The following CNTN5 variants were observed in gnomAD, a reference collection of about 807,000 sequenced individuals.
CNTN5 encodes contactin 5.
A neutral mutation model predicts 129.1 loss-of-function variants in CNTN5; 77 were observed. The observed-to-expected ratio is 0.60, with a 90% CI of 0.50 to 0.72. CNTN5 has a LOEUF of 0.72. CNTN5 is among the 30% of genes least tolerant of loss of function. CNTN5 has a pLI of 0.00. For missense variants in CNTN5, 1,478 were observed against 1,328.8 expected (o/e 1.11, Z -1.75); for synonymous variants, 509 against 465.6 (o/e 1.09, Z -1.20).
At chr11:99,716,365 C>G (rs1413107684) in intron 3 of CNTN5, among the ~76,000 whole-genome samples, 3 of 151,968 alleles carry the variant, frequency 2.0e-5, no homozygotes, top group East Asian at 1.9e-4. Context: ...TTGAAGCAAC[C>G]TCTCTTGGCT....
At chr11:99,307,775 C>T (rs941141194) in intron 1 of CNTN5, among the ~76,000 whole-genome samples, 3 of 152,066 alleles carry the variant, frequency 2.0e-5, no homozygotes, top group African/African-American at 4.8e-5. Context: ...TGCTATTAAA[C>T]AGATCGGGTC....
chr11:99,191,446 G>C (rs1858638652), intron 1 of CNTN5, among the ~76,000 whole-genome samples: 1 of 151,630 alleles, frequency 6.6e-6, no homozygotes, highest in South Asian at 2.1e-4. Flanking sequence ...GGAAACATCT[G>C]ACTTAAACTA....
intron 21 of CNTN5, among the ~76,000 whole-genome samples, chr11:100,321,454 C>A (rs551089160): frequency 1.6e-4 from 25 of 152,062 alleles, no homozygotes; most frequent in Admixed American, 3.9e-4. Flanking sequence ...AGTTTTTTGG[C>A]AAAGTCATCA....
At chr11:99,644,171 C>T (rs1014011608) in intron 3 of CNTN5, among the ~76,000 whole-genome samples, 2 of 144,688 alleles carry the variant, frequency 1.4e-5, no homozygotes, top group South Asian at 2.2e-4. Context: ...CTGTCTCTAG[C>T]GTAGAAAGAG....
chr11:99,566,913 A>G (rs1348450612), intron 3 of CNTN5, among the ~76,000 whole-genome samples: 1 of 152,204 alleles, frequency 6.6e-6, no homozygotes, highest in Non-Finnish European at 1.5e-5. Flanking sequence ...TTTTGTCAAC[A>G]TCCTAAATTT....
chr11:100,148,145 C>T (rs1591315237), intron 13 of CNTN5, among the ~76,000 whole-genome samples: 1 of 152,208 alleles, frequency 6.6e-6, no homozygotes, highest in Non-Finnish European at 1.5e-5. Flanking sequence ...TTTTTAAAAA[C>T]TGTAACTCAT....
intron 13 of CNTN5, among the ~76,000 whole-genome samples, chr11:100,101,379 A>G (rs1945217515): frequency 6.6e-6 from 1 of 152,018 alleles, no homozygotes; most frequent in Non-Finnish European, 1.5e-5. Flanking sequence ...AGTGAATTAT[A>G]TTTCTGAAGG....
chr11:100,243,666 C>T (rs994261917), intron 16 of CNTN5, among the ~76,000 whole-genome samples: 1 of 152,118 alleles, frequency 6.6e-6, no homozygotes, highest in Non-Finnish European at 1.5e-5. Context: ...ATGAGCAAAC[C>T]ATAAGGCATA....
At chr11:99,867,164 G>A (rs550339787) in intron 6 of CNTN5, among the ~76,000 whole-genome samples, 2 of 152,258 alleles carry the variant, frequency 1.3e-5, no homozygotes, top group African/African-American at 4.8e-5. Flanking sequence ...TAAACATGTT[G>A]CATCTTGCAG....
intron 3 of CNTN5, among the ~76,000 whole-genome samples, chr11:99,804,691 G>T (rs1434891700): frequency 6.6e-6 from 1 of 150,862 alleles, no homozygotes; most frequent in Non-Finnish European, 1.5e-5. Context: ...TAATATGGAA[G>T]GAATAGAATA....
At chr11:99,386,945 A>T (rs915133665) in intron 2 of CNTN5, among the ~76,000 whole-genome samples, 1 of 152,114 alleles carries the variant, frequency 6.6e-6, no homozygotes, top group African/African-American at 2.4e-5. Flanking sequence ...GATTTGGCCA[A>T]TTGTTTCTTT....
chr11:100,249,148 G>T (rs1949909345), intron 16 of CNTN5, among the ~76,000 whole-genome samples: 1 of 151,940 alleles, frequency 6.6e-6, no homozygotes. Flanking sequence ...GAAATTGTAG[G>T]TCTTTATTTC....
At chr11:99,949,308 G>T (rs1475703649) in intron 7 of CNTN5, among the ~76,000 whole-genome samples, 2 of 152,102 alleles carry the variant, frequency 1.3e-5, no homozygotes, top group Admixed American at 6.6e-5. Context: ...CATGTCCAAA[G>T]TTGAACGGAG....
chr11:99,770,973 T>G (rs1249613510), intron 3 of CNTN5, among the ~76,000 whole-genome samples: 1 of 151,866 alleles, frequency 6.6e-6, no homozygotes, highest in Non-Finnish European at 1.5e-5. Flanking sequence ...ACAACAGAGA[T>G]CCCAGAGGTA....
chr11:100,052,911 C>T (rs748575816), intron 9 of CNTN5, among the ~76,000 whole-genome samples: 7 of 151,608 alleles, frequency 4.6e-5, no homozygotes, highest in Admixed American at 6.6e-5. Context: ...ATTTACCTGC[C>T]TTCTAAAGTC....
At chr11:99,639,749 A>G (rs536940308) in intron 3 of CNTN5, among the ~76,000 whole-genome samples, 1 of 151,932 alleles carries the variant, frequency 6.6e-6, no homozygotes, top group East Asian at 2.0e-4. Flanking sequence ...TATTTAGTGG[A>G]GATGAGGTTT....
At position 99,936,793 on chromosome 11, in the gene CNTN5, G is replaced by A. The variant is rs189945033; in HGVS notation, c.674-20013G>A. On this transcript the variant is annotated intron_variant, in intron 7 of 24. Coordinates refer to ENST00000524871, the MANE Select transcript of CNTN5 (RefSeq NM_014361.4). ...TTCCTGGTTGAGATGGAAGTCTTTT[G>A]TGTTAAATGTAGGGTTCTCCTTAAA... Among the ~76,000 whole-genome samples the A allele has an allele frequency of 1.8e-3, 277 of 152,304 alleles. 1 individual carries two copies. The highest frequency in any genetic ancestry group is 3.5e-3 in the Non-Finnish European group (235 of 68,024).
intron 13 of CNTN5, among the ~76,000 whole-genome samples, chr11:100,122,982 T>C (rs970490793): frequency 1.3e-5 from 2 of 152,082 alleles, no homozygotes; most frequent in African/African-American, 4.8e-5. Context: ...TTGACTGATT[T>C]GCTGTGTGTG....
intron 2 of CNTN5, among the ~76,000 whole-genome samples, chr11:99,359,436 T>A (rs1175716984): frequency 6.6e-6 from 1 of 152,048 alleles, no homozygotes; most frequent in African/African-American, 2.4e-5. Context: ...ATATTAATTT[T>A]AGGGGGACAC....
Sources: gnomAD v4.1 joint callset for allele counts (sites outside exome capture counted in the v4.1 genomes callset) on GRCh38, gnomAD v4.1.1 for gene constraint, MANE v1.5 for transcripts, NCBI Gene and HGNC (gene_info 2026-07-23, HGNC 2026-07-21) for gene names.